The following GATAD2B variants were observed in gnomAD, a reference collection of about 807,000 sequenced individuals.
GATAD2B encodes transcriptional repressor p66-beta.
Under a neutral mutation model 64.3 loss-of-function variants are expected in GATAD2B, and 8 were observed. The ratio of observed to expected loss-of-function variants is 0.12; its 90% CI spans 0.07 to 0.22. GATAD2B has a LOEUF of 0.22. Among genes scored for constraint, GATAD2B ranks in the 10% least tolerant of loss-of-function variants. The pLI, the probability that GATAD2B is intolerant of heterozygous loss-of-function variation, is 1.00. For missense variants in GATAD2B, 453 were observed against 752.0 expected (o/e 0.60, Z 4.65); for synonymous variants, 281 against 271.3 (o/e 1.04, Z -0.35).
At chr1:153,897,179 G>A (rs537647868) in intron 1 of GATAD2B, among the ~76,000 whole-genome samples, 4 of 151,906 alleles carry the variant, frequency 2.6e-5, no homozygotes, top group African/African-American at 9.7e-5. Flanking sequence ...ACAGGTGCCC[G>A]CCACCTCACC....
At chr1:153,893,854 A>T (rs1677495712) in intron 1 of GATAD2B, among the ~76,000 whole-genome samples, 1 of 143,670 alleles carries the variant, frequency 7.0e-6, no homozygotes, top group South Asian at 2.4e-4. Context: ...GCTACTCAGG[A>T]GGCTGAGACG....
At chr1:153,818,995 A>T in intron 3 of GATAD2B, 73 bp from the exon 4 acceptor site, 1 of 1,471,984 alleles carries the variant, frequency 6.8e-7, no homozygotes, top group Non-Finnish European at 9.3e-7. Flanking sequence ...GACAATCTTT[A>T]CTTCTTAGCT....
At chr1:153,847,592 G>A (rs564026027) in intron 1 of GATAD2B, among the ~76,000 whole-genome samples, 4 of 152,096 alleles carry the variant, frequency 2.6e-5, no homozygotes, top group African/African-American at 7.2e-5. Context: ...GCTTTCATAA[G>A]ATCTTTGTCT....
intron 1 of GATAD2B, among the ~76,000 whole-genome samples, chr1:153,855,609 A>G (rs930879236): frequency 6.6e-6 from 1 of 152,202 alleles, no homozygotes; most frequent in Non-Finnish European, 1.5e-5. Context: ...TTTCATTCAG[A>G]AAGTCATTAA....
At chr1:153,907,637 A>AT (rs531249482) in intron 1 of GATAD2B, among the ~76,000 whole-genome samples, 1,563 of 141,774 alleles carry the variant, frequency 0.011, 10 homozygotes, top group African/African-American at 0.013. Context: ...AAAAGGGTAA[A>AT]TTTTTTTTTT....
chr1:153,832,116 G>A (rs1675098488), intron 1 of GATAD2B, among the ~76,000 whole-genome samples: 1 of 152,152 alleles, frequency 6.6e-6, no homozygotes, highest in South Asian at 2.1e-4. Context: ...TTGGGAGGCT[G>A]AGGCAGGAGG....
intron 1 of GATAD2B, among the ~76,000 whole-genome samples, chr1:153,844,414 CAAAT>C (rs1261409435): frequency 1.0e-5 from 1 of 95,760 alleles, no homozygotes; most frequent in Admixed American, 1.1e-4. Flanking sequence ...ACTGGCCTAA[CAAAT>C]TATAAAAAAA....
intron 1 of GATAD2B, among the ~76,000 whole-genome samples, chr1:153,892,549 G>T (rs1446848747): frequency 6.6e-6 from 1 of 152,112 alleles, no homozygotes; most frequent in Non-Finnish European, 1.5e-5. Flanking sequence ...AATGGTCAAG[G>T]AGTTTAAAAT....
At chr1:153,915,629 G>T (rs1038032622) in intron 1 of GATAD2B, among the ~76,000 whole-genome samples, 6 of 151,744 alleles carry the variant, frequency 4.0e-5, no homozygotes, top group Non-Finnish European at 8.8e-5. Context: ...CAGCTACTGA[G>T]GAGGCTGAGG....
At chr1:153,900,996 T>C (rs1008421130) in intron 1 of GATAD2B, among the ~76,000 whole-genome samples, 1 of 152,084 alleles carries the variant, frequency 6.6e-6, no homozygotes, top group Non-Finnish European at 1.5e-5. Flanking sequence ...GGTGGATCAC[T>C]TGAGGTCACG....
At chr1:153,810,461 ACTTT>A (rs1454538325) in intron 10 of GATAD2B, 151 bp from the exon 11 acceptor site, 7 of 743,926 alleles carry the variant, frequency 9.4e-6, no homozygotes, top group South Asian at 1.7e-5. Context: ...TTCAACAGCA[ACTTT>A]CTTTTTCTTT....
intron 1 of GATAD2B, among the ~76,000 whole-genome samples, chr1:153,859,785 A>G (rs778420885): frequency 3.4e-4 from 51 of 152,016 alleles, no homozygotes; most frequent in Non-Finnish European, 5.9e-5. Flanking sequence ...GATGATTAAC[A>G]ATGTTCCTTT....
intron 10 of GATAD2B, among the ~76,000 whole-genome samples, chr1:153,811,052 A>T (rs959638943): frequency 1.3e-5 from 2 of 152,176 alleles, no homozygotes; most frequent in Non-Finnish European, 1.5e-5. Flanking sequence ...GGCATGAGCC[A>T]CCACGCCCAG....
At chr1:153,891,251 G>GA (rs568638244) in intron 1 of GATAD2B, among the ~76,000 whole-genome samples, 3 of 145,370 alleles carry the variant, frequency 2.1e-5, no homozygotes, top group Non-Finnish European at 3.0e-5. Context: ...AGAAAGAGGT[G>GA]AAAAAAAAAG....
intron 1 of GATAD2B, chr1:153,890,548 G>A (rs969028881): frequency 2.6e-5 from 4 of 151,738 alleles, no homozygotes; most frequent in Non-Finnish European, 4.4e-5. Flanking sequence ...AGCCAGCCTG[G>A]CAGCTGCTCT....
At position 153,812,009 on chromosome 1, in the gene GATAD2B, A is replaced by G. The variant is rs976148404; in HGVS notation, c.1530+13T>C. The stretch of plus-strand genomic sequence containing the variant: ...CTTCTAAAGAAATCAGGATCAGGCA[A>G]AAAGTTCCTTACCTGCCGAAGCGTA... On this transcript the variant is annotated intron_variant, in intron 9 of 10. Coordinates refer to ENST00000368655, the MANE Select transcript of GATAD2B (RefSeq NM_020699.4). 1 of 1,533,610 alleles carries G rather than the reference A, an allele frequency of 6.5e-7. No individual in the cohort carries two copies. Among genetic ancestry groups the G allele is most frequent in the African/African-American group, 1.4e-5 (1 of 73,576 alleles).
chr1:153,887,375 C>T (rs930862458), intron 1 of GATAD2B, among the ~76,000 whole-genome samples: 7 of 152,198 alleles, frequency 4.6e-5, no homozygotes, highest in African/African-American at 1.7e-4. Flanking sequence ...AGTTTTCAAT[C>T]ACTTGGGAGT....
intron 3 of GATAD2B, 49 bp downstream of exon 3, chr1:153,819,557 A>C: frequency 7.7e-7 from 1 of 1,300,728 alleles, no homozygotes; most frequent in Non-Finnish European, 1.1e-6. Flanking sequence ...GGAATTAAAT[A>C]AAATAGAAGG....
At chr1:153,893,967 A>C (rs908511613) in intron 1 of GATAD2B, among the ~76,000 whole-genome samples, 3 of 150,852 alleles carry the variant, frequency 2.0e-5, no homozygotes, top group Admixed American at 6.6e-5. Context: ...AAAAAAAAAA[A>C]AAAAAAAAAA....
Sources: allele counts gnomAD v4.1 joint callset (sites outside exome capture counted in the v4.1 genomes callset), GRCh38; gene constraint gnomAD v4.1.1; transcripts MANE v1.5; gene names NCBI Gene and HGNC (gene_info 2026-07-23, HGNC 2026-07-21).